CAND2: variants seen among roughly 807,000 people sequenced by gnomAD.
CAND2 encodes the protein cullin associated and neddylation dissociated 2 (putative).
A neutral mutation model predicts 98.9 loss-of-function variants in CAND2; 62 were observed. The ratio of observed to expected loss-of-function variants is 0.63; its 90% CI spans 0.51 to 0.77. The LOEUF (loss-of-function observed/expected upper bound fraction) is 0.77, where lower values mean the gene tolerates loss of function less well. Ranked by LOEUF, CAND2 falls within the 30% of genes least tolerant of loss-of-function variation. The pLI is 0.00. For synonymous variants in CAND2, 770 were observed against 731.9 expected (o/e 1.05, Z -0.84); for missense variants, 1,501 against 1,655.2 (o/e 0.91, Z 1.62).
At chr3:12,809,962 C>G in intron 4 of CAND2, 97 bp from the exon 5 acceptor site, 1 of 1,341,274 alleles carries the variant, frequency 7.5e-7, no homozygotes, top group Non-Finnish European at 9.7e-7. Context: ...TGCCATAATC[C>G]TGGGAAGGAG....
chr3:12,829,786 C>G (rs999636807), intron 13 of CAND2, among the ~76,000 whole-genome samples: 1 of 152,194 alleles, frequency 6.6e-6, no homozygotes, highest in Admixed American at 6.5e-5. Flanking sequence ...GAAATGGGAT[C>G]ACACACATGC....
intron 11 of CAND2, among the ~76,000 whole-genome samples, chr3:12,821,450 C>T (rs952120882): frequency 1.3e-5 from 2 of 152,104 alleles, no homozygotes; most frequent in Admixed American, 1.3e-4. Context: ...TGCCAGGGGC[C>T]TGTTATGTGG....
intron 9 of CAND2, 139 bp from the exon 10 acceptor site, chr3:12,816,235 G>A (rs2061897942): frequency 1.1e-6 from 1 of 924,724 alleles, no homozygotes; most frequent in African/African-American, 1.7e-5. Context: ...GGTCAGGGCT[G>A]ACTTCTTGGA....
Position 12,807,395 on chromosome 3 carries a change from A to G in CAND2, c.302A>G (p.Gln101Arg), listed in dbSNP as rs1275129010. The change falls in exon 3 of 15, where the codon CAG becomes CGG. Residue 101 changes from glutamine to arginine, a missense_variant. Gln to Arg is a conservative substitution (Grantham distance 43). Coordinates refer to ENST00000456430, the MANE Select transcript of CAND2 (RefSeq NM_001162499.2). ...LCTNMRSDKEQLRDIAGIGLK... is the reference protein window; with the variant it reads ...LCTNMRSDKERLRDIAGIGLK... ...ACCAACATGCGGTCAGACAAGGAGC[A>G]GCTGCGAGACATTGCCGGCATTGGC... is the stretch of plus-strand genomic sequence containing the variant. The G allele has an allele frequency of 5.2e-6, 8 of 1,551,790 alleles. No individual in the cohort carries two copies. The South Asian group carries it at 5.9e-5, about 12-fold the overall frequency.
rs2305398 is a variant in CAND2, at chr3:12,815,357, A to G, written c.1223A>G (p.Gln408Arg). The G allele has an allele frequency of 0.6, 963,006 of 1,613,616 alleles. 298,663 individuals are homozygous for G. Among genetic ancestry groups the G allele is most frequent in the African/African-American group, 0.92 (68,985 of 75,028 alleles). Residue 408 changes from glutamine to arginine, a missense_variant, in exon 8 of 15, where the codon CAG becomes CGG. Gln to Arg is a conservative substitution (Grantham distance 43, BLOSUM62 1). Coordinates refer to ENST00000456430, the MANE Select transcript of CAND2 (RefSeq NM_001162499.2). This position sits in a 1 kb window ranked among gnomAD's most constrained non-coding sequence, Gnocchi z 5.7. ...TAYIVLLRQT[Q>R]PPKGWLEAME... ...TACATCGTGCTGCTGCGGCAAACAC[A>G]GCCCCCGAAGGGATGGCTGGAGGCC... is the stretch of plus-strand genomic sequence containing the variant.
In CAND2 at chr3:12,810,192, G is replaced by A. The variant is rs1313654528; in HGVS notation, c.625G>A (p.Asp209Asn). 4 of 1,540,348 alleles carry A rather than the reference G, an allele frequency of 2.6e-6. No individual in the cohort carries two copies. Among genetic ancestry groups the A allele is most frequent in the African/African-American group, 2.8e-5 (2 of 71,354 alleles). Residue 209 changes from aspartate to asparagine, a missense_variant, in exon 5 of 15, where the codon GAC becomes AAC. This residue lies in a region of CAND2 where 1,427 missense variants were observed against 1,545.3 expected (regional missense o/e 0.92). Transcript: ENST00000456430. ...CCACCTGGCGGCCGCCTGCAGCACC[G>A]ACCTCTTCGTCGAGCTCGCTGACCA... ...LGHLAAACST[D>N]LFVELADHLL...
At chr3:12,818,270 AAAAC>A (rs1419470171) in intron 10 of CAND2, among the ~76,000 whole-genome samples, 1 of 151,904 alleles carries the variant, frequency 6.6e-6, no homozygotes, top group Admixed American at 6.5e-5. Context: ...ACCAAAAAAA[AAAAC>A]AAAACAAAAA....
intron 11 of CAND2, among the ~76,000 whole-genome samples, chr3:12,825,123 T>TTC (rs916086730): frequency 6.6e-6 from 1 of 152,068 alleles, no homozygotes; most frequent in Non-Finnish European, 1.5e-5. Flanking sequence ...TTTCTTTTTT[T>TTC]TTTTTTCAAG....
At chr3:12,831,438 T>G (rs2124876393) in intron 13 of CAND2, 27 bp from the exon 14 acceptor site, 1 of 1,593,612 alleles carries the variant, frequency 6.3e-7, no homozygotes, top group African/African-American at 1.3e-5. Flanking sequence ...ACCATTTCAC[T>G]AAGAACCATC....
At chr3:12,826,542 C>T (rs1266332370) in intron 12 of CAND2, among the ~76,000 whole-genome samples, 1 of 152,014 alleles carries the variant, frequency 6.6e-6, no homozygotes, top group Non-Finnish European at 1.5e-5. Context: ...ATCCTCCCAC[C>T]TCAGCCTCCT....
chr3:12,805,797 A>T lies in CAND2; in HGVS notation c.213-1509A>T, dbSNP rs553652761. Among the ~76,000 whole-genome samples, 16 of 152,370 alleles carry T rather than the reference A, an allele frequency of 1.1e-4. No individual in the cohort carries two copies. In the South Asian group the frequency reaches 3.3e-3, roughly 32 times the overall value. On this transcript the variant is annotated intron_variant, in intron 2 of 14. Transcript: ENST00000456430. ...AGGCCTTTTGCCTATACAAATGCCC[A>T]TTGGGATGTTAGAACCTCTTGCGGG... is the stretch of plus-strand genomic sequence containing the variant.
At chr3:12,810,015 G>A in intron 4 of CAND2, 44 bp from the exon 5 acceptor site, 1 of 1,386,998 alleles carries the variant, frequency 7.2e-7, no homozygotes, top group Non-Finnish European at 9.3e-7. Context: ...GGCCCAGGTT[G>A]CCCGCGGAGT....
At chr3:12,807,186 G>A (rs2061812965) in intron 2 of CAND2, 120 bp from the exon 3 acceptor site, 2 of 888,394 alleles carry the variant, frequency 2.3e-6, no homozygotes, top group East Asian at 2.8e-5. Context: ...GGGCTCCCCT[G>A]ATGATCTGAG....
intron 1 of CAND2, among the ~76,000 whole-genome samples, chr3:12,800,552 C>T (rs2061758325): frequency 1.3e-5 from 2 of 152,302 alleles, no homozygotes; most frequent in Admixed American, 1.3e-4. Context: ...TCCGCTCTCA[C>T]ATGCCTGCAG....
chr3:12,818,392 A>T (rs2061927037), intron 10 of CAND2, among the ~76,000 whole-genome samples: 1 of 152,248 alleles, frequency 6.6e-6, no homozygotes, highest in African/African-American at 2.4e-5. Flanking sequence ...CAGCCTGCAG[A>T]GGGTCAGCTC....
intron 11 of CAND2, among the ~76,000 whole-genome samples, chr3:12,824,307 T>C (rs1233011035): frequency 6.6e-6 from 1 of 152,148 alleles, no homozygotes. Context: ...ATACTACAGA[T>C]TGGGTAATTT....
rs1326361644 is a variant in CAND2 at position 12,810,063 on chromosome 3, G to C, written c.496G>C (p.Gly166Arg). 3 of 1,425,172 alleles carry C rather than the reference G, an allele frequency of 2.1e-6. No individual in the cohort carries two copies. Among genetic ancestry groups the C allele is most frequent in the Non-Finnish European group, 2.8e-6 (3 of 1,090,386 alleles). 88.3% of individuals were successfully genotyped at this position (1,425,172 alleles called of 1,614,324 possible). ...DILSDMLSRL[G>R]VPLGAFHASL... ...ATGCCCCCTCGTGCTCCCCAGGCTGGGTGTCCCGCTGGGCGCCTTCCACGC... is the reference window on the plus strand; with the variant it reads ...ATGCCCCCTCGTGCTCCCCAGGCTGCGTGTCCCGCTGGGCGCCTTCCACGC... Residue 166 changes from glycine to arginine, a missense_variant, in exon 5 of 15, where the codon GGT becomes CGT. Gly to Arg is a moderately radical substitution (Grantham distance 125, BLOSUM62 -2). Transcript: ENST00000456430.
chr3:12,818,877 C>G (rs2061931655), intron 10 of CAND2, among the ~76,000 whole-genome samples: 1 of 152,226 alleles, frequency 6.6e-6, no homozygotes, highest in Non-Finnish European at 1.5e-5. Flanking sequence ...TTACATCACA[C>G]AACCTTGAGA....
At chr3:12,828,589 G>A (rs764498928) in intron 13 of CAND2, among the ~76,000 whole-genome samples, 1 of 152,066 alleles carries the variant, frequency 6.6e-6, no homozygotes, top group Non-Finnish European at 1.5e-5. Flanking sequence ...TAATCTGCCT[G>A]CCCTGGCCTC....
Sources: allele counts gnomAD v4.1 joint callset (sites outside exome capture counted in the v4.1 genomes callset), GRCh38; gene constraint gnomAD v4.1.1; regional missense constraint gnomAD v4.1.1; non-coding constraint Gnocchi (gnomAD v3.1); transcripts MANE v1.5; gene names NCBI Gene and HGNC (gene_info 2026-07-23, HGNC 2026-07-21).